Variants in PXK observed in about 807,000 individuals in gnomAD.
The protein encoded by PXK is PX domain-containing protein kinase-like protein.
PXK carries 35 observed loss-of-function variants against 84.7 expected under a neutral mutation model. The observed-to-expected ratio is 0.41, with a 90% confidence interval of 0.32 to 0.55. PXK has a LOEUF of 0.55. Among genes scored for constraint, PXK ranks in the 20% least tolerant of loss-of-function variants. The pLI is 0.21. For missense variants in PXK, 634 were observed against 699.7 expected, an observed-to-expected ratio of 0.91 and a Z score of 1.06; for synonymous variants, 253 against 260.8, an observed-to-expected ratio of 0.97 and a Z score of 0.29.
chr3:58,374,546 T>C (rs995836794), intron 3 of PXK, among the ~76,000 whole-genome samples: 2 of 152,180 alleles, frequency 1.3e-5, no homozygotes, highest in Non-Finnish European at 2.9e-5. Flanking sequence ...CTTGTTCTCT[T>C]TTCCTTCTAT....
At chr3:58,338,951 G>C (rs1012632266) in intron 1 of PXK, among the ~76,000 whole-genome samples, 5 of 151,722 alleles carry the variant, frequency 3.3e-5, no homozygotes, top group Non-Finnish European at 7.4e-5. Context: ...CCAAAGTGTT[G>C]GGATTACAGG....
intron 1 of PXK, among the ~76,000 whole-genome samples, chr3:58,363,889 T>C (rs2098229419): frequency 6.6e-6 from 1 of 152,218 alleles, no homozygotes; most frequent in Non-Finnish European, 1.5e-5. Flanking sequence ...GTAGAACTTT[T>C]TCATCAACTT....
chr3:58,346,810 A>C (rs2097829251), intron 1 of PXK, among the ~76,000 whole-genome samples: 1 of 130,738 alleles, frequency 7.6e-6, no homozygotes, highest in Non-Finnish European at 1.6e-5. Flanking sequence ...GCCTCATGCC[A>C]CCACATGTGG....
Position 58,332,898 on chromosome 3 carries a change from A to G in PXK, c.-91A>G, listed in dbSNP as rs945366478. 11 of 783,892 alleles carry G rather than the reference A, an allele frequency of 1.4e-5. No homozygotes were observed. The African/African-American group carries it at 1.5e-4, about 11-fold the overall frequency. 48.6% of individuals were successfully genotyped at this position (783,892 alleles called of 1,614,324 possible). A position where few individuals can be genotyped will look rare whatever the true frequency, so the allele number is the denominator to read the frequency against. On this transcript the variant is annotated 5_prime_UTR_variant, in exon 1 of 18. Transcript: ENST00000356151. The surrounding 1 kb of genome is among the most constrained non-coding windows in gnomAD (Gnocchi z 5.6). ...GGCGCGTGGGGCGGCGCGTGTTGAC[A>G]GCGGCGGCGGTGGAACCGGGCGGGC...
chr3:58,420,988 G>T, intron 17 of PXK: 1 of 1,010,068 alleles, frequency 9.9e-7, no homozygotes, highest in Non-Finnish European at 1.2e-6. Flanking sequence ...ACAACTTACT[G>T]GCTTTTATAA....
At chr3:58,338,426 C>T (rs1349223845) in intron 1 of PXK, among the ~76,000 whole-genome samples, 1 of 151,552 alleles carries the variant, frequency 6.6e-6, no homozygotes, top group Admixed American at 6.6e-5. Context: ...AGTTCGAGAA[C>T]AGCCTGGCCA....
rs958265971 is a variant in PXK, at chr3:58,359,151, T to C, written c.103-6723T>C. Among the ~76,000 whole-genome samples the C allele has an allele frequency of 2.0e-5, 3 of 152,172 alleles. No homozygotes were observed. The East Asian group carries it at 5.8e-4, about 29-fold the overall frequency. ...TTTAAACTCAAAGCTATGTAGTTTATATGTGTTTATATAAAGGAGACCAGC... is the reference window on the plus strand; with the variant it reads ...TTTAAACTCAAAGCTATGTAGTTTACATGTGTTTATATAAAGGAGACCAGC... On this transcript the variant is annotated intron_variant, in intron 1 of 17. Transcript: ENST00000356151.
chr3:58,396,025 T>C (rs2057602710), intron 9 of PXK, among the ~76,000 whole-genome samples: 1 of 152,244 alleles, frequency 6.6e-6, no homozygotes, highest in East Asian at 1.9e-4. Context: ...ACTTTTATAT[T>C]ATCTTTGGTT....
chr3:58,344,597 G>A (rs974918486), intron 1 of PXK, among the ~76,000 whole-genome samples: 1 of 152,214 alleles, frequency 6.6e-6, no homozygotes, highest in African/African-American at 2.4e-5. Flanking sequence ...GCCAAGATGG[G>A]CAGATCACCT....
chr3:58,418,186 G>T (rs897290109), intron 17 of PXK, among the ~76,000 whole-genome samples: 8 of 152,144 alleles, frequency 5.3e-5, no homozygotes, highest in African/African-American at 1.9e-4. Context: ...ACCCTAAATT[G>T]TTATTTAAAA....
In PXK at chr3:58,397,008, GA is replaced by G; in HGVS notation, c.823-27del. ...TGTCTTATATCTGAATGAGTTTGGG[GA>G]AAATGTAACTTTCCCATATGTTTTG... On this transcript the variant is annotated intron_variant, in intron 9 of 17. Transcript: ENST00000356151. This position sits in a 1 kb window ranked among gnomAD's most constrained non-coding sequence, Gnocchi z 4.7. The G allele has an allele frequency of 6.3e-7, 1 of 1,585,588 alleles. No homozygotes were observed. Among genetic ancestry groups the G allele is most frequent in the Non-Finnish European group, 8.6e-7 (1 of 1,161,178 alleles).
intron 1 of PXK, among the ~76,000 whole-genome samples, chr3:58,351,827 G>A (rs1021277238): frequency 2.6e-4 from 39 of 152,090 alleles, no homozygotes; most frequent in Admixed American, 2.2e-3. Context: ...TTTTTTCTGG[G>A]TGCTCTTCAC....
intron 17 of PXK, chr3:58,422,961 A>G (rs2062154304): frequency 1.0e-6 from 1 of 985,294 alleles, no homozygotes; most frequent in African/African-American, 1.7e-5. Flanking sequence ...CGTGGCCCTG[A>G]ATATCAAGTC....
rs1312183669 is a variant in PXK, at chr3:58,414,277, T to C, written c.1528+1314T>C. 3.3e-5 allele frequency: 5 copies of C among 152,192 alleles called. No homozygotes were observed. The highest frequency in any genetic ancestry group is 1.5e-5 in the Non-Finnish European group (1 of 68,050). 9.4% of individuals were successfully genotyped at this position (152,192 alleles called of 1,614,324 possible). A position where few individuals can be genotyped will look rare whatever the true frequency, so the allele number is the denominator to read the frequency against. On this transcript the variant is annotated intron_variant, in intron 17 of 17. Transcript: ENST00000356151. This position sits in a 1 kb window ranked among gnomAD's most constrained non-coding sequence, Gnocchi z 4.5. ...AATTGGAGAAAATTAGTAGTGAGAATCCAGAAATCCTCCTTTAACAAGCAA... is the reference window on the plus strand; with the variant it reads ...AATTGGAGAAAATTAGTAGTGAGAACCCAGAAATCCTCCTTTAACAAGCAA...
At chr3:58,422,958 C>T in intron 17 of PXK, 1 of 985,416 alleles carries the variant, frequency 1.0e-6, no homozygotes, top group Non-Finnish European at 1.2e-6. Context: ...CTACGTGGCC[C>T]TGAATATCAA....
At chr3:58,396,467 T>C (rs1391698096) in intron 9 of PXK, among the ~76,000 whole-genome samples, 1 of 152,226 alleles carries the variant, frequency 6.6e-6, no homozygotes, top group Non-Finnish European at 1.5e-5. Context: ...ACCAGGACAT[T>C]GCAGGGCTAT....
intron 17 of PXK, chr3:58,420,804 T>C: frequency 7.3e-7 from 1 of 1,362,458 alleles, no homozygotes; most frequent in Non-Finnish European, 9.4e-7. Context: ...TTCACTCTGA[T>C]TTCAGTTTTA....
chr3:58,360,907 A>G (rs1156411202), intron 1 of PXK, among the ~76,000 whole-genome samples: 1 of 151,942 alleles, frequency 6.6e-6, no homozygotes, highest in Non-Finnish European at 1.5e-5. Flanking sequence ...TTTAATTTAT[A>G]CTTTCATCAT....
chr3:58,410,170 A>G lies in PXK; in HGVS notation c.1465+11A>G, dbSNP rs150310451. ...ACTCCAATAATTCAGGTAACTGGTT[A>G]TAGATGGTAGTGGGGCCCAGGACAC... On this transcript the variant is annotated intron_variant, in intron 16 of 17. Coordinates refer to ENST00000356151, the MANE Select transcript of PXK (RefSeq NM_017771.5). 2.0e-5 allele frequency: 31 copies of G among 1,561,972 alleles called. No individual in the cohort carries two copies. In the African/African-American group the frequency reaches 3.8e-4, roughly 19 times the overall value.
Sources: gnomAD v4.1 joint callset for allele counts (sites outside exome capture counted in the v4.1 genomes callset) on GRCh38, gnomAD v4.1.1 for gene constraint, Gnocchi (gnomAD v3.1) non-coding constraint, MANE v1.5 for transcripts, NCBI Gene and HGNC (gene_info 2026-07-23, HGNC 2026-07-21) for gene names.